CEP57L1: variants seen among roughly 807,000 people sequenced by gnomAD.
The protein encoded by CEP57L1 is centrosomal protein 57 like 1.
Under a neutral mutation model 61.0 loss-of-function variants are expected in CEP57L1, and 37 were observed. The ratio of observed to expected loss-of-function variants is 0.61; its 90% CI spans 0.47 to 0.80. The LOEUF (loss-of-function observed/expected upper bound fraction) is 0.80. Ranked by LOEUF, CEP57L1 falls within the 30% of genes least tolerant of loss-of-function variation. The probability of loss-of-function intolerance (pLI) is 0.00; values close to 1 mark genes in which losing one functional copy is unlikely to be tolerated. For synonymous variants in CEP57L1, 137 were observed against 162.3 expected, an observed-to-expected ratio of 0.84 and a Z score of 1.19; for missense variants, 422 against 524.7, an observed-to-expected ratio of 0.80 and a Z score of 1.91.
chr6:109,106,519 T>C (rs905674179), intron 1 of CEP57L1, among the ~76,000 whole-genome samples: 8 of 152,210 alleles, frequency 5.3e-5, no homozygotes, highest in African/African-American at 1.9e-4. Flanking sequence ...TTATTAAAGT[T>C]GTCATTTTTT....
rs749123761 is a variant in CEP57L1, at chr6:109,150,196, T to G, written c.419T>G (p.Val140Gly). The change falls in exon 4 of 11, where the codon GTT becomes GGT. Residue 140 changes from valine (V) to glycine (G), a missense_variant. Val to Gly is a moderately radical substitution (Grantham distance 109, BLOSUM62 -3). Transcript: ENST00000517392. ...CAACTAGAATATACAAAGAGAATGG[T>G]TCTCAACGTAGAGCGAGAAAAGAAC... ...EKQLEYTKRM[V>G]LNVEREKNMI... is the part of the protein sequence containing the mutation. 9 of 1,609,258 alleles carry G rather than the reference T, an allele frequency of 5.6e-6. No individual in the cohort carries two copies. The highest frequency in any genetic ancestry group is 7.7e-6 in the Non-Finnish European group (9 of 1,176,054).
intron 4 of CEP57L1, among the ~76,000 whole-genome samples, chr6:109,151,802 T>C (rs1772643339): frequency 6.6e-6 from 1 of 152,228 alleles, no homozygotes; most frequent in Non-Finnish European, 1.5e-5. Flanking sequence ...TCTTTTCTTC[T>C]TTAAGCACAT....
At chr6:109,101,112 AAAAAC>A (rs544769023) in intron 1 of CEP57L1, among the ~76,000 whole-genome samples, 197 of 152,356 alleles carry the variant, frequency 1.3e-3, no homozygotes, top group Non-Finnish European at 2.6e-3. Flanking sequence ...GTCTTAGGAA[AAAAAC>A]AAAACAAAAC....
At chr6:109,137,541 C>A (rs560447931) in intron 1 of CEP57L1, among the ~76,000 whole-genome samples, 3 of 152,290 alleles carry the variant, frequency 2.0e-5, no homozygotes, top group African/African-American at 7.2e-5. Context: ...ACCTACTGAT[C>A]TGCCTGCTCT....
rs558298514 is a variant in CEP57L1 at position 109,163,888 on chromosome 6, T to C, written c.*918T>C. On this transcript the variant is annotated 3_prime_UTR_variant, in exon 11 of 11. Transcript: ENST00000517392. ...TTGTGTATGCATGCTTTATAATAAA[T>C]TTACACTTGATCATTTTTCTGGAAG... 5 of 152,260 alleles carry C rather than the reference T, an allele frequency of 3.3e-5. No individual in the cohort carries two copies. Among genetic ancestry groups the C allele is most frequent in the African/African-American group, 1.2e-4 (5 of 41,566 alleles). The allele number at this position is 152,260 out of a possible 1,614,324, so 9.4% of individuals were successfully genotyped here. A position where few individuals can be genotyped will look rare whatever the true frequency, so the allele number is the denominator to read the frequency against.
rs192434533 is a variant in CEP57L1 at position 109,172,827 on chromosome 6, C to T, written c.*9857C>T. On this transcript the variant is annotated 3_prime_UTR_variant, in exon 11 of 11. Transcript: ENST00000517392. ...TAAGTCTAGTTAATAAAACTAGGGC[C>T]ATGTGTTACTACAACATAGGAGTTA... is the stretch of plus-strand genomic sequence containing the variant. Among the ~76,000 whole-genome samples the T allele has an allele frequency of 6.6e-6, 1 of 152,240 alleles. No individual in the cohort carries two copies. Among genetic ancestry groups the T allele is most frequent in the Non-Finnish European group, 1.5e-5 (1 of 68,008 alleles).
chr6:109,167,063 TAAATAA>T lies in CEP57L1; in HGVS notation c.*4100_*4105del, dbSNP rs145784422. On this transcript the variant is annotated 3_prime_UTR_variant, in exon 11 of 11. Coordinates refer to ENST00000517392, the MANE Select transcript of CEP57L1 (RefSeq NM_001271852.3). The stretch of plus-strand genomic sequence containing the variant: ...CCTTTTAATTAAAGTGAGATGAGGA[TAAATAA>T]AAATAATATTGACTGTCACTCATCT... Among the ~76,000 whole-genome samples the T allele has an allele frequency of 0.024, 3,580 of 152,266 alleles. 128 individuals carry two copies. The highest frequency in any genetic ancestry group is 0.081 in the African/African-American group (3,364 of 41,528).
At chr6:109,155,358 A>G (rs907897858) in intron 6 of CEP57L1, 51 bp downstream of exon 6, 6 of 990,854 alleles carry the variant, frequency 6.1e-6, no homozygotes, top group African/African-American at 3.4e-5. Flanking sequence ...ATGTTTTATT[A>G]TATTTTTATT....
chr6:109,101,871 G>A (rs540387728), intron 1 of CEP57L1, among the ~76,000 whole-genome samples: 61 of 151,728 alleles, frequency 4.0e-4, no homozygotes, highest in African/African-American at 1.3e-3. Flanking sequence ...CGCCCGCCTC[G>A]GCCTCCCAAA....
chr6:109,139,518 C>A (rs943376264), intron 1 of CEP57L1, among the ~76,000 whole-genome samples: 3 of 151,664 alleles, frequency 2.0e-5, no homozygotes, highest in Admixed American at 2.0e-4. Context: ...ACTCTGTCTC[C>A]CAGGCTGGAG....
rs751539209 is a variant in CEP57L1, at chr6:109,171,242, A to ATTTTTT, written c.*8280_*8285dup. Among the ~76,000 whole-genome samples, 4,525 of 143,378 alleles carry ATTTTTT rather than the reference A, an allele frequency of 0.032. 223 individuals are homozygous for ATTTTTT. Among genetic ancestry groups the ATTTTTT allele is most frequent in the African/African-American group, 0.11 (4,144 of 38,926 alleles). The allele number at this position is 143,378 out of a possible 152,430, so 94.1% of individuals were successfully genotyped here. A position where few individuals can be genotyped will look rare whatever the true frequency, so the allele number is the denominator to read the frequency against. Reference sequence around the variant, plus strand: ...AAATAATGCCACAAAGTAGAGTTTGATTTTTTTTTTTTTGAGACGGAGTTT... The same window carrying ATTTTTT: ...AAATAATGCCACAAAGTAGAGTTTGATTTTTTTTTTTTTTTTTTTGAGACGGAGTTT... On this transcript the variant is annotated 3_prime_UTR_variant, in exon 11 of 11. Coordinates refer to ENST00000517392, the MANE Select transcript of CEP57L1 (RefSeq NM_001271852.3).
intron 1 of CEP57L1, among the ~76,000 whole-genome samples, chr6:109,126,250 G>T (rs542506822): frequency 2.0e-5 from 3 of 152,120 alleles, no homozygotes; most frequent in Non-Finnish European, 4.4e-5. Context: ...CCTTACAAAT[G>T]AAAATATGTA....
At chr6:109,109,930 A>T (rs1771393048) in intron 1 of CEP57L1, among the ~76,000 whole-genome samples, 1 of 152,108 alleles carries the variant, frequency 6.6e-6, no homozygotes, top group African/African-American at 2.4e-5. Flanking sequence ...TTCCTTATCT[A>T]ATCTGTCATT....
At chr6:109,098,435 C>A (rs983644063) in intron 1 of CEP57L1, among the ~76,000 whole-genome samples, 1 of 151,864 alleles carries the variant, frequency 6.6e-6, no homozygotes, top group African/African-American at 2.4e-5. Context: ...TGTGAGCCAC[C>A]GTGCCCGGCC....
chr6:109,135,438 T>C lies in CEP57L1; in HGVS notation c.-3-9781T>C, dbSNP rs191364140. On this transcript the variant is annotated intron_variant, in intron 1 of 10. Coordinates refer to ENST00000517392, the MANE Select transcript of CEP57L1 (RefSeq NM_001271852.3). ...TCAAGATGGGTTAAAGACTTAAATG[T>C]TAGACCTAAAACCATAAAAACCCTA... Among the ~76,000 whole-genome samples the C allele has an allele frequency of 8.3e-3, 1,263 of 152,304 alleles. 24 individuals are homozygous for C. The highest frequency in any genetic ancestry group is 0.029 in the African/African-American group (1,212 of 41,546).
At chr6:109,124,590 T>A (rs1429537243) in intron 1 of CEP57L1, among the ~76,000 whole-genome samples, 8 of 152,192 alleles carry the variant, frequency 5.3e-5, no homozygotes, top group Non-Finnish European at 1.5e-5. Context: ...GTACATGGAT[T>A]TAGTAAGTTA....
chr6:109,097,742 G>A (rs1781877750), intron 1 of CEP57L1, among the ~76,000 whole-genome samples: 1 of 152,386 alleles, frequency 6.6e-6, no homozygotes, highest in East Asian at 1.9e-4. Flanking sequence ...GGAATGGGGA[G>A]TGCCAGGATG....
At chr6:109,140,894 G>A (rs564656580) in intron 1 of CEP57L1, among the ~76,000 whole-genome samples, 1 of 151,782 alleles carries the variant, frequency 6.6e-6, no homozygotes, top group Non-Finnish European at 1.5e-5. Context: ...GCAGCGGTGC[G>A]ATCTCGGCTC....
intron 1 of CEP57L1, among the ~76,000 whole-genome samples, chr6:109,118,105 G>A (rs1257502820): frequency 4.6e-5 from 7 of 152,128 alleles, no homozygotes; most frequent in Admixed American, 4.6e-4. Context: ...GCACGGTCTC[G>A]GCTCACTGCA....
Sources: gnomAD v4.1 joint callset for allele counts (sites outside exome capture counted in the v4.1 genomes callset) on GRCh38, gnomAD v4.1.1 for gene constraint, MANE v1.5 for transcripts, NCBI Gene and HGNC (gene_info 2026-07-23, HGNC 2026-07-21) for gene names.